PDE1A: variants seen among roughly 807,000 people sequenced by gnomAD.
PDE1A encodes the protein phosphodiesterase 1A.
Under a neutral mutation model 61.7 loss-of-function variants are expected in PDE1A, and 35 were observed. The ratio of observed to expected loss-of-function variants is 0.57; its 90% CI spans 0.43 to 0.75. PDE1A has a LOEUF of 0.75. PDE1A is among the 30% of genes least tolerant of loss of function. The probability of loss-of-function intolerance (pLI) is 0.00; values close to 1 mark genes in which losing one functional copy is unlikely to be tolerated. For missense variants in PDE1A, 597 were observed against 630.6 expected (o/e 0.95, Z 0.57); for synonymous variants, 232 against 213.2 (o/e 1.09, Z -0.77).
chr2:182,622,186 T>C, the PDE1A span, among the ~76,000 whole-genome samples: 2 of 152,184 alleles, frequency 1.3e-5, no homozygotes, highest in Non-Finnish European at 2.9e-5. Flanking sequence ...TAGCAAGTGA[T>C]TGTTTTGATA....
intron 1 of PDE1A, among the ~76,000 whole-genome samples, chr2:182,410,200 GA>G (rs200843413): frequency 0.023 from 3,543 of 151,804 alleles, 65 homozygotes; most frequent in South Asian, 0.047. Context: ...ATTTAAAAAA[GA>G]AAAATTTTTT....
chr2:182,224,563 C>T (rs1046254307), intron 6 of PDE1A, among the ~76,000 whole-genome samples: 2 of 151,634 alleles, frequency 1.3e-5, no homozygotes, highest in Admixed American at 6.6e-5. Flanking sequence ...TGTAAAAATC[C>T]ATGACTATCC....
intron 7 of PDE1A, among the ~76,000 whole-genome samples, chr2:182,219,389 A>G (rs1243442393): frequency 2.0e-5 from 3 of 152,070 alleles, no homozygotes; most frequent in Admixed American, 1.3e-4. Context: ...GATCTGTATA[A>G]TGGAACCTGG....
intron 2 of PDE1A, among the ~76,000 whole-genome samples, chr2:182,484,686 A>T (rs1333969647): frequency 3.9e-5 from 6 of 152,074 alleles, no homozygotes; most frequent in Non-Finnish European, 1.5e-5. Context: ...AAACAACCCC[A>T]TTAAAAAGTG....
At chr2:182,626,393 T>C in the PDE1A span, among the ~76,000 whole-genome samples, 2 of 152,094 alleles carry the variant, frequency 1.3e-5, no homozygotes, top group African/African-American at 4.8e-5. Flanking sequence ...ACCTGAATTT[T>C]TTTTAAAAAA....
intron 7 of PDE1A, among the ~76,000 whole-genome samples, chr2:182,219,475 A>G (rs1339295978): frequency 6.6e-6 from 1 of 152,104 alleles, no homozygotes. Flanking sequence ...CACTATGTTC[A>G]ATCTCTTAAA....
chr2:182,259,852 A>G (rs1314646008), intron 2 of PDE1A, among the ~76,000 whole-genome samples: 1 of 152,228 alleles, frequency 6.6e-6, no homozygotes, highest in African/African-American at 2.4e-5. Context: ...CAATATCCCA[A>G]TCCAAATAAG....
chr2:182,459,799 T>G (rs528791991), intron 2 of PDE1A, among the ~76,000 whole-genome samples: 1 of 152,286 alleles, frequency 6.6e-6, no homozygotes, highest in African/African-American at 2.4e-5. Flanking sequence ...AAATATCCAC[T>G]GTAGCATGCA....
At chr2:182,458,408 T>G (rs1418098240) in intron 2 of PDE1A, among the ~76,000 whole-genome samples, 1 of 152,108 alleles carries the variant, frequency 6.6e-6, no homozygotes, top group Non-Finnish European at 1.5e-5. Flanking sequence ...GTAAAGTCCC[T>G]GTGTCCATGG....
At chr2:182,636,263 T>C in the PDE1A span, among the ~76,000 whole-genome samples, 1 of 152,126 alleles carries the variant, frequency 6.6e-6, no homozygotes, top group Non-Finnish European at 1.5e-5. Context: ...CGGCCTCACC[T>C]GTATTTTTTA....
intron 13 of PDE1A, among the ~76,000 whole-genome samples, chr2:182,174,644 G>A (rs1043945769): frequency 6.6e-6 from 1 of 152,040 alleles, no homozygotes; most frequent in African/African-American, 2.4e-5. Context: ...AGTATTTTCT[G>A]GGAAGAAATA....
chr2:182,564,611 T>G, the PDE1A span, among the ~76,000 whole-genome samples: 1 of 152,198 alleles, frequency 6.6e-6, no homozygotes. Flanking sequence ...CCTTGCTAGA[T>G]TGGGGAAGTT....
intron 1 of PDE1A, among the ~76,000 whole-genome samples, chr2:182,276,723 G>C (rs1693439984): frequency 6.6e-6 from 1 of 152,166 alleles, no homozygotes; most frequent in East Asian, 1.9e-4. Context: ...TTCTTGCAGA[G>C]AGCCTATAAA....
At chr2:182,432,118 C>T (rs1338348514) in intron 2 of PDE1A, among the ~76,000 whole-genome samples, 1 of 152,102 alleles carries the variant, frequency 6.6e-6, no homozygotes, top group Non-Finnish European at 1.5e-5. Context: ...AGTTTCCCTT[C>T]AACTCCCTGT....
chr2:182,527,196 A>T (rs1321493322), upstream of PDE1A, among the ~76,000 whole-genome samples: 16 of 148,968 alleles, frequency 1.1e-4, no homozygotes, highest in Non-Finnish European at 2.1e-4. Context: ...GCTGGGAGCC[A>T]TGAGTCATGC....
chr2:182,327,820 A>C (rs867254409), intron 1 of PDE1A, among the ~76,000 whole-genome samples: 11 of 152,218 alleles, frequency 7.2e-5, no homozygotes, highest in African/African-American at 2.2e-4. Context: ...ATGTGGGTTG[A>C]GGAGGGCTTT....
exon 15 of PDE1A, chr2:182,141,422 A>G (rs886308589): frequency 5.9e-5 from 9 of 152,224 alleles, no homozygotes; most frequent in East Asian, 3.8e-4. Context: ...TTATAGATCA[A>G]TCTTACTCCT....
the PDE1A span, among the ~76,000 whole-genome samples, chr2:182,694,658 C>T: frequency 1.3e-5 from 2 of 152,216 alleles, no homozygotes; most frequent in Admixed American, 1.3e-4. Context: ...GGCACATATC[C>T]TTGACTAATA....
At chr2:182,368,011 G>GT (rs1397551137) in intron 1 of PDE1A, among the ~76,000 whole-genome samples, 1 of 151,996 alleles carries the variant, frequency 6.6e-6, no homozygotes, top group Non-Finnish European at 1.5e-5. Context: ...AAGGAGAGAG[G>GT]TTAATATAAT....
Sources: allele counts gnomAD v4.1 joint callset (sites outside exome capture counted in the v4.1 genomes callset), GRCh38; gene constraint gnomAD v4.1.1; transcripts MANE v1.5; gene names NCBI Gene and HGNC (gene_info 2026-07-23, HGNC 2026-07-21).